Variants in CEP112 observed in about 807,000 individuals in gnomAD.
The protein encoded by CEP112 is centrosomal protein of 112 kDa.
A neutral mutation model predicts 153.0 loss-of-function variants in CEP112; 127 were observed. That is an observed-to-expected ratio of 0.83 (90% CI 0.72 to 0.96). The LOEUF (loss-of-function observed/expected upper bound fraction) is 0.96. CEP112 is among the 40% of genes least tolerant of loss of function. The probability of loss-of-function intolerance (pLI) is 0.00; values close to 1 mark genes in which losing one functional copy is unlikely to be tolerated. For missense variants in CEP112, 1,089 were observed against 1,101.2 expected, an observed-to-expected ratio of 0.99 and a Z score of 0.16; for synonymous variants, 358 against 374.4, an observed-to-expected ratio of 0.96 and a Z score of 0.51.
intron 23 of CEP112, among the ~76,000 whole-genome samples, chr17:65,735,366 A>T (rs913575920): frequency 1.3e-5 from 2 of 152,160 alleles, no homozygotes; most frequent in African/African-American, 4.8e-5. Flanking sequence ...CTTTTCTCTA[A>T]GACAGCCATC....
intron 4 of CEP112, among the ~76,000 whole-genome samples, chr17:66,135,150 T>A (rs1219958175): frequency 6.6e-6 from 1 of 152,206 alleles, no homozygotes; most frequent in African/African-American, 2.4e-5. Context: ...ATGTTACCCC[T>A]AATACGTGCT....
chr17:66,189,934 A>G (rs2073099822), intron 1 of CEP112, among the ~76,000 whole-genome samples: 1 of 152,168 alleles, frequency 6.6e-6, no homozygotes, highest in African/African-American at 2.4e-5. Context: ...CGGGAGACTG[A>G]GGTGGGAGGA....
In CEP112 at chr17:65,969,082, ATT is replaced by A. The variant is rs199636922; in HGVS notation, c.1737-7486_1737-7485del. 2.7e-3 allele frequency among the ~76,000 whole-genome samples: 385 copies of A among 141,354 alleles called. 3 individuals are homozygous for A. The highest frequency in any genetic ancestry group is 0.014 in the East Asian group (67 of 4,918). The allele number at this position is 141,354 out of a possible 152,430, so 92.7% of individuals were successfully genotyped here. A position where few individuals can be genotyped will look rare whatever the true frequency, so the allele number is the denominator to read the frequency against. On this transcript the variant is annotated intron_variant, in intron 17 of 26. Coordinates refer to ENST00000535342, the MANE Select transcript of CEP112 (RefSeq NM_001199165.4). ...GTTTTTTGTTTTTTTGTGTGTGTGG[ATT>A]TTTTTTTTTTTTTTTGAGACAATGT...
At chr17:65,839,857 T>C (rs959729137) in intron 21 of CEP112, among the ~76,000 whole-genome samples, 1 of 151,954 alleles carries the variant, frequency 6.6e-6, no homozygotes, top group East Asian at 1.9e-4. Flanking sequence ...CAAAAATCTG[T>C]AGCAATTCTA....
At chr17:65,967,324 C>A (rs900498550) in intron 17 of CEP112, among the ~76,000 whole-genome samples, 2 of 152,150 alleles carry the variant, frequency 1.3e-5, no homozygotes, top group Non-Finnish European at 2.9e-5. Context: ...ATCTATGACG[C>A]CAACTGGATT....
chr17:65,661,434 G>A (rs1490366244), intron 24 of CEP112, among the ~76,000 whole-genome samples: 1 of 152,138 alleles, frequency 6.6e-6, no homozygotes, highest in Non-Finnish European at 1.5e-5. Flanking sequence ...TTTCATGGCT[G>A]TTTACATAAG....
At chr17:66,061,510 G>C (rs8081788) in intron 11 of CEP112, among the ~76,000 whole-genome samples, 1,638 of 151,578 alleles carry the variant, frequency 0.011, 32 homozygotes, top group African/African-American at 0.038. Flanking sequence ...CAATAGTCAA[G>C]ATATGAAATC....
intron 23 of CEP112, among the ~76,000 whole-genome samples, chr17:65,727,885 T>C (rs566176569): frequency 2.6e-5 from 4 of 152,174 alleles, no homozygotes; most frequent in South Asian, 2.1e-4. Context: ...GCCCAGGACA[T>C]AGACTCGAGG....
At position 66,192,120 on chromosome 17, in the gene CEP112, GGGC is replaced by G. The variant is rs2073184244; in HGVS notation, c.-135_-133del. On this transcript the variant is annotated 5_prime_UTR_variant, in exon 1 of 27. Transcript: ENST00000535342. ...GGGTCGCCGCCGCCCAGCAGCCCGG[GGGC>G]GGGGACTTTCGCGCTCGCATTTCCC... 6.5e-6 allele frequency: 1 copy of G among 152,936 alleles called. No individual in the cohort carries two copies. The highest frequency in any genetic ancestry group is 2.4e-5 in the African/African-American group (1 of 41,442). 9.5% of individuals were successfully genotyped at this position (152,936 alleles called of 1,614,324 possible).
At chr17:66,072,053 A>T (rs763211742) in intron 8 of CEP112, among the ~76,000 whole-genome samples, 2 of 152,188 alleles carry the variant, frequency 1.3e-5, no homozygotes, top group African/African-American at 4.8e-5. Context: ...AGGAACTCCC[A>T]CATGCCCTTT....
chr17:66,012,436 C>T (rs1007720680), intron 16 of CEP112, among the ~76,000 whole-genome samples: 4 of 152,150 alleles, frequency 2.6e-5, no homozygotes, highest in Admixed American at 1.3e-4. Flanking sequence ...GTAATGAAAT[C>T]GCTTAGCATT....
intron 8 of CEP112, 145 bp from the exon 9 acceptor site, chr17:66,070,146 T>A (rs2067258867): frequency 3.5e-6 from 2 of 579,466 alleles, no homozygotes; most frequent in Admixed American, 6.4e-5. Context: ...GCAATCACAT[T>A]ACATATACCA....
chr17:65,679,657 A>G (rs2047416599), intron 24 of CEP112, among the ~76,000 whole-genome samples: 2 of 152,176 alleles, frequency 1.3e-5, no homozygotes. Context: ...CTGTCTCTAT[A>G]GCATCTTCTT....
At chr17:65,933,643 C>A (rs1057486623) in intron 18 of CEP112, among the ~76,000 whole-genome samples, 1 of 152,076 alleles carries the variant, frequency 6.6e-6, no homozygotes, top group Non-Finnish European at 1.5e-5. Context: ...CATCTTCCCC[C>A]GAAAATGAGG....
intron 17 of CEP112, among the ~76,000 whole-genome samples, chr17:65,987,579 T>A (rs960162325): frequency 2.9e-4 from 44 of 152,332 alleles, no homozygotes; most frequent in African/African-American, 1.0e-3. Context: ...CTGATTCAGA[T>A]TTCTGGTTTC....
intron 20 of CEP112, among the ~76,000 whole-genome samples, chr17:65,875,161 A>G (rs2058782090): frequency 6.6e-6 from 1 of 151,918 alleles, no homozygotes; most frequent in South Asian, 2.1e-4. Flanking sequence ...AATTTCTCTG[A>G]AAAAAAATTG....
At chr17:66,080,424 A>G (rs2146166582) in intron 8 of CEP112, among the ~76,000 whole-genome samples, 1 of 152,332 alleles carries the variant, frequency 6.6e-6, no homozygotes, top group East Asian at 1.9e-4. Context: ...GCTCATCATC[A>G]CTGGTCATTA....
intron 21 of CEP112, among the ~76,000 whole-genome samples, chr17:65,797,744 T>C (rs578174427): frequency 6.6e-6 from 1 of 152,208 alleles, no homozygotes; most frequent in Non-Finnish European, 1.5e-5. Flanking sequence ...CTGGTTAAGT[T>C]TGAAGAGGAT....
intron 10 of CEP112, among the ~76,000 whole-genome samples, chr17:66,064,577 A>C (rs1350931324): frequency 6.6e-6 from 1 of 152,152 alleles, no homozygotes; most frequent in African/African-American, 2.4e-5. Flanking sequence ...CATTTCCCTA[A>C]AAATTGTTTT....
Sources: gnomAD v4.1 joint callset for allele counts (sites outside exome capture counted in the v4.1 genomes callset) on GRCh38, gnomAD v4.1.1 for gene constraint, MANE v1.5 for transcripts, NCBI Gene and HGNC (gene_info 2026-07-23, HGNC 2026-07-21) for gene names.